TSPAN4: variants seen among roughly 807,000 people sequenced by gnomAD.
TSPAN4 encodes tetraspanin-4.
In TSPAN4, 38 loss-of-function variants were observed where a neutral mutation model predicts 31.5. That is an observed-to-expected ratio of 1.21 (90% CI 0.93 to 1.58). The LOEUF is 1.58. TSPAN4 is among the 40% of genes most tolerant of loss of function. The pLI, the probability that TSPAN4 is intolerant of heterozygous loss-of-function variation, is 0.00. For synonymous variants in TSPAN4, 186 were observed against 144.6 expected (o/e 1.29, Z -2.06); for missense variants, 330 against 317.3 (o/e 1.04, Z -0.30).
chr11:861,660 C>T (rs560163373), intron 3 of TSPAN4, among the ~76,000 whole-genome samples: 93 of 151,670 alleles, frequency 6.1e-4, no homozygotes, highest in African/African-American at 2.1e-3. Context: ...TGCAGTGAGC[C>T]GAGATCGCGC....
Position 862,669 on chromosome 11 carries a change from C to T in TSPAN4, c.183C>T (p.Gly61=), listed in dbSNP as rs570330679. 67 of 1,613,332 alleles carry T rather than the reference C, an allele frequency of 4.2e-5. No homozygotes were observed. Among genetic ancestry groups the T allele is most frequent in the East Asian group, 4.0e-4 (18 of 44,880 alleles). Residue 61 remains glycine (G), a synonymous_variant, in exon 4 of 9, where the codon GGC becomes GGT. Coordinates refer to ENST00000397397, the MANE Select transcript of TSPAN4 (RefSeq NM_003271.5). ...CTGCCAACTTGCTCATCATCACCGG[C>T]GCCTTTGTCATGGCCATCGGCTTCG... ...LSAANLLIIT[G]AFVMAIGFVG...
At position 862,933 on chromosome 11, in the gene TSPAN4, G is replaced by GC. The variant is rs926775321; in HGVS notation, c.255+192_255+193insC. On this transcript the variant is annotated intron_variant, in intron 4 of 8. Transcript: ENST00000397397. ...TTCCAGGCCACACTGGGGCTGGGGG[G>GC]TGATTTGCAGAGCGGTGTGGGGGTC... 157 of 615,512 alleles carry GC rather than the reference G, an allele frequency of 2.6e-4. 1 individual carries two copies. The highest frequency in any genetic ancestry group is 1.1e-3 in the Admixed American group (35 of 32,030). 38.1% of individuals were successfully genotyped at this position (615,512 alleles called of 1,614,324 possible). A position where few individuals can be genotyped will look rare whatever the true frequency, so the allele number is the denominator to read the frequency against.
intron 2 of TSPAN4, chr11:849,052 G>T (rs1387514179): frequency 1.7e-6 from 1 of 591,580 alleles, no homozygotes; most frequent in Non-Finnish European, 3.1e-6. Flanking sequence ...ATTTCAAGAC[G>T]GGAACAGCAG....
In TSPAN4 at chr11:842,869, A is replaced by C. The variant is rs533806312; in HGVS notation, c.-164A>C. 31 of 179,664 alleles carry C rather than the reference A, an allele frequency of 1.7e-4. No homozygotes were observed. The South Asian group carries it at 5.0e-3, about 29-fold the overall frequency. The allele number at this position is 179,664 out of a possible 1,614,324, so 11.1% of individuals were successfully genotyped here. On this transcript the variant is annotated 5_prime_UTR_variant, in exon 1 of 9. Transcript: ENST00000397397. ...CGTTTCTCGTGTCCGCTTGACTGAC[A>C]GCTGCGCGGCGGGAGCGGGCGGCGC...
intron 2 of TSPAN4, 128 bp from the exon 3 acceptor site, chr11:850,160 C>T: frequency 1.4e-6 from 1 of 700,334 alleles, no homozygotes; most frequent in Non-Finnish European, 2.3e-6. Flanking sequence ...GCGGCGGGGA[C>T]GCCGGGGGCT....
Position 866,796 on chromosome 11 carries a change from C to T in TSPAN4, c.*166C>T, listed in dbSNP as rs1350259956. The T allele has an allele frequency of 4.2e-6, 3 of 711,532 alleles. No homozygotes were observed. Among genetic ancestry groups the T allele is most frequent in the East Asian group, 3.0e-5 (1 of 33,802 alleles). The allele number at this position is 711,532 out of a possible 1,614,324, so 44.1% of individuals were successfully genotyped here. On this transcript the variant is annotated 3_prime_UTR_variant, in exon 9 of 9. Transcript: ENST00000397397. ...GAACCCTGTTTCTGGAAGGCCCTAGCTCAGGTGGCTTCAGGGCCTCCGGAC... is the reference window on the plus strand; with the variant it reads ...GAACCCTGTTTCTGGAAGGCCCTAGTTCAGGTGGCTTCAGGGCCTCCGGAC...
Position 866,828 on chromosome 11 carries a change from T to G in TSPAN4, c.*198T>G. The G allele has an allele frequency of 1.8e-6, 1 of 558,092 alleles. No homozygotes were observed. The allele number at this position is 558,092 out of a possible 1,614,324, so 34.6% of individuals were successfully genotyped here. On this transcript the variant is annotated 3_prime_UTR_variant, in exon 9 of 9. Transcript: ENST00000397397. ...GGCTTCAGGGCCTCCGGACCCCCCC[T>G]GGGAGGGGTGGCCACGTGCTGGCTG... is the stretch of plus-strand genomic sequence containing the variant.
rs751121344 is a variant in TSPAN4 at position 862,754 on chromosome 11, G to T, written c.255+13G>T. 1.5e-4 allele frequency: 246 copies of T among 1,603,188 alleles called. No individual in the cohort carries two copies. The highest frequency in any genetic ancestry group is 2.0e-4 in the Non-Finnish European group (231 of 1,174,672). ...CCTCCTGCTCACTGTGAGTGCCGGG[G>T]CCCAAGCGATGCTCCGGGTGGGACC... On this transcript the variant is annotated intron_variant, in intron 4 of 8. Coordinates refer to ENST00000397397, the MANE Select transcript of TSPAN4 (RefSeq NM_003271.5).
chr11:864,992 G>C (rs1222875269), intron 5 of TSPAN4: 1 of 183,806 alleles, frequency 5.4e-6, no homozygotes, highest in Non-Finnish European at 1.1e-5. Flanking sequence ...GGGAGCTTCT[G>C]CCGTCTGCTG....
intron 5 of TSPAN4, chr11:865,310 G>A (rs1262714112): frequency 1.7e-6 from 1 of 585,274 alleles, no homozygotes; most frequent in Non-Finnish European, 3.1e-6. Flanking sequence ...AGCCTGGGGA[G>A]GAAGCCCAGA....
At chr11:858,406 C>T (rs1266361126) in intron 3 of TSPAN4, 2 of 153,060 alleles carry the variant, frequency 1.3e-5, no homozygotes, top group East Asian at 1.9e-4. Context: ...GACAGATTCT[C>T]TTAATTAGGG....
At position 865,597 on chromosome 11, in the gene TSPAN4, A is replaced by C; in HGVS notation, c.415A>C (p.Ser139Arg). Residue 139 changes from serine to arginine, a missense_variant, in exon 6 of 9, where the codon AGC becomes CGC. Physicochemically the swap from Ser to Arg is moderately radical, Grantham distance 110. Coordinates refer to ENST00000397397, the MANE Select transcript of TSPAN4 (RefSeq NM_003271.5). ...QGNVGLTNAW[S>R]IIQTDFRCCG... ...CAACGTGGGCCTCACCAACGCCTGGAGCATCATCCAGACCGACGTGAGGCG... is the reference window on the plus strand; with the variant it reads ...CAACGTGGGCCTCACCAACGCCTGGCGCATCATCCAGACCGACGTGAGGCG... The C allele has an allele frequency of 1.2e-6, 2 of 1,612,848 alleles. No individual in the cohort carries two copies. The highest frequency in any genetic ancestry group is 1.7e-6 in the Non-Finnish European group (2 of 1,179,878).
Position 865,555 on chromosome 11 carries a change from C to G in TSPAN4, c.373C>G (p.Leu125Val). Residue 125 changes from leucine to valine, a missense_variant, in exon 6 of 9, where the codon CTG becomes GTG. Coordinates refer to ENST00000397397, the MANE Select transcript of TSPAN4 (RefSeq NM_003271.5). The stretch of plus-strand genomic sequence containing the variant: ...GCAAGACCTGAAGAAAGGCTTGCAC[C>G]TGTACGGCACGCAGGGCAACGTGGG... ...AQQDLKKGLH[L>V]YGTQGNVGLT... 6.2e-7 allele frequency: 1 copy of G among 1,612,614 alleles called. No individual in the cohort carries two copies. The highest frequency in any genetic ancestry group is 1.7e-4 in the Middle Eastern group (1 of 5,896).
At chr11:850,411 T>A in intron 3 of TSPAN4, 44 bp downstream of exon 3, 5 of 1,548,536 alleles carry the variant, frequency 3.2e-6, no homozygotes, top group Non-Finnish European at 4.4e-6. Flanking sequence ...AGACCCGGGG[T>A]CCCTCCCGCG....
Position 866,903 on chromosome 11 carries a change from C to T in TSPAN4, c.*273C>T, listed in dbSNP as rs187723724. ...GGGCCTCCAGCACTTTTTATATTTA[C>T]GTATTCTCCAAAGCAGTGTTCACAC... On this transcript the variant is annotated 3_prime_UTR_variant, in exon 9 of 9. Coordinates refer to ENST00000397397, the MANE Select transcript of TSPAN4 (RefSeq NM_003271.5). The T allele has an allele frequency of 8.3e-4, 361 of 436,578 alleles. 5 individuals are homozygous for T. Among genetic ancestry groups the T allele is most frequent in the African/African-American group, 6.8e-3 (334 of 49,444 alleles). The allele number at this position is 436,578 out of a possible 1,614,324, so 27.0% of individuals were successfully genotyped here.
intron 3 of TSPAN4, among the ~76,000 whole-genome samples, chr11:860,936 A>G (rs1021046758): frequency 2.6e-5 from 4 of 152,080 alleles, no homozygotes; most frequent in Non-Finnish European, 4.4e-5. Flanking sequence ...CCCACCACCC[A>G]CCTGGGCACC....
intron 2 of TSPAN4, 98 bp from the exon 3 acceptor site, chr11:850,190 G>A (rs1483450361): frequency 2.0e-5 from 20 of 1,024,234 alleles, no homozygotes; most frequent in Admixed American, 5.0e-5. Context: ...GCCTGCACGC[G>A]AACCCCGGCC....
At chr11:850,395 C>T (rs771120261) in intron 3 of TSPAN4, 28 bp downstream of exon 3, 1 of 1,586,946 alleles carries the variant, frequency 6.3e-7, no homozygotes, top group Non-Finnish European at 8.5e-7. Context: ...GGTGGGGGCC[C>T]GGGAAAGACC....
chr11:864,123 T>G (rs1449736220), intron 4 of TSPAN4: 1 of 459,900 alleles, frequency 2.2e-6, no homozygotes, highest in Non-Finnish European at 4.0e-6. Flanking sequence ...GGCTGGGGCC[T>G]CAGGAACAGG....
Sources: gnomAD v4.1 joint callset for allele counts (sites outside exome capture counted in the v4.1 genomes callset) on GRCh38, gnomAD v4.1.1 for gene constraint, MANE v1.5 for transcripts, NCBI Gene and HGNC (gene_info 2026-07-23, HGNC 2026-07-21) for gene names.